Variants in RABGAP1L observed in about 807,000 individuals in gnomAD.
The protein encoded by RABGAP1L is RAB GTPase activating protein 1 like.
Under a neutral mutation model 137.7 loss-of-function variants are expected in RABGAP1L, and 63 were observed. The ratio of observed to expected loss-of-function variants is 0.46; its 90% CI spans 0.37 to 0.56. RABGAP1L has a LOEUF of 0.56. Among genes scored for constraint, RABGAP1L ranks in the 20% least tolerant of loss-of-function variants. The pLI, the probability that RABGAP1L is intolerant of heterozygous loss-of-function variation, is 0.00. For missense variants in RABGAP1L, 1,095 were observed against 1,244.0 expected (o/e 0.88, Z 1.80); for synonymous variants, 431 against 433.7 (o/e 0.99, Z 0.08).
At chr1:174,442,464 C>T (rs1459956554) in intron 13 of RABGAP1L, among the ~76,000 whole-genome samples, 1 of 152,068 alleles carries the variant, frequency 6.6e-6, no homozygotes, top group African/African-American at 2.4e-5. Flanking sequence ...TTCACCTAAA[C>T]CTCCAAAGAT....
At chr1:174,319,470 C>T (rs745679531) in intron 11 of RABGAP1L, among the ~76,000 whole-genome samples, 2 of 152,056 alleles carry the variant, frequency 1.3e-5, no homozygotes, top group African/African-American at 4.8e-5. Flanking sequence ...CTGCATATGT[C>T]ATTATGTCAC....
At chr1:174,980,959 G>A (rs1430886920) in intron 23 of RABGAP1L, among the ~76,000 whole-genome samples, 3 of 151,290 alleles carry the variant, frequency 2.0e-5, no homozygotes, top group Non-Finnish European at 2.9e-5. Flanking sequence ...CTGAGATGCC[G>A]AATGTGGGCA....
At chr1:174,195,835 TC>T (rs1667642904) in intron 1 of RABGAP1L, among the ~76,000 whole-genome samples, 1 of 133,458 alleles carries the variant, frequency 7.5e-6, no homozygotes, top group East Asian at 2.0e-4. Flanking sequence ...CTATCCTTCT[TC>T]TTCTTTTTTT....
intron 23 of RABGAP1L, among the ~76,000 whole-genome samples, chr1:174,980,627 G>A (rs151165253): frequency 2.8e-4 from 43 of 152,232 alleles, no homozygotes; most frequent in African/African-American, 4.8e-4. Context: ...AAGAGATTCC[G>A]GTACAAAAGA....
At chr1:174,364,278 G>C (rs113334950) in intron 11 of RABGAP1L, among the ~76,000 whole-genome samples, 1 of 74,282 alleles carries the variant, frequency 1.3e-5, no homozygotes, top group Non-Finnish European at 2.4e-5. Context: ...TTTTTGAGAC[G>C]GAGTCTCGCT....
intron 13 of RABGAP1L, among the ~76,000 whole-genome samples, chr1:174,465,586 A>G (rs1657206196): frequency 6.6e-6 from 1 of 152,192 alleles, no homozygotes; most frequent in South Asian, 2.1e-4. Context: ...CATAGAGCTT[A>G]CATCCAAATA....
intron 13 of RABGAP1L, among the ~76,000 whole-genome samples, chr1:174,462,021 T>C (rs747391073): frequency 1.8e-4 from 27 of 152,174 alleles, no homozygotes; most frequent in Non-Finnish European, 3.2e-4. Flanking sequence ...CCCAAGAACC[T>C]TCTGTATACC....
chr1:174,295,549 A>AT (rs969928417), intron 10 of RABGAP1L, among the ~76,000 whole-genome samples: 6 of 151,190 alleles, frequency 4.0e-5, no homozygotes, highest in Non-Finnish European at 5.9e-5. Flanking sequence ...GGCCTGGCTA[A>AT]TTTTTTTTGT....
chr1:174,611,108 T>C (rs1468132379), intron 13 of RABGAP1L, among the ~76,000 whole-genome samples: 6 of 149,090 alleles, frequency 4.0e-5, no homozygotes, highest in Non-Finnish European at 8.9e-5. Flanking sequence ...ACTTTTTGTG[T>C]TTTAGACATG....
chr1:174,642,570 A>T (rs3123641), intron 14 of RABGAP1L, among the ~76,000 whole-genome samples: 1 of 151,670 alleles, frequency 6.6e-6, no homozygotes, highest in Non-Finnish European at 1.5e-5. Flanking sequence ...TTTTAATTCA[A>T]CTCTTTCTTG....
chr1:174,220,949 G>C, intron 2 of RABGAP1L, 23 bp from the exon 3 acceptor site: 1 of 1,537,102 alleles, frequency 6.5e-7, no homozygotes, highest in Non-Finnish European at 8.8e-7. Context: ...AATTGAAACA[G>C]AATTGTCTTG....
chr1:174,621,394 A>C (rs1295155104), intron 13 of RABGAP1L, among the ~76,000 whole-genome samples: 1 of 152,242 alleles, frequency 6.6e-6, no homozygotes, highest in African/African-American at 2.4e-5. Flanking sequence ...CTGCACTGCC[A>C]ATTCAATCCT....
At chr1:174,679,328 GTC>G (rs1677877591) in intron 14 of RABGAP1L, among the ~76,000 whole-genome samples, 1 of 152,178 alleles carries the variant, frequency 6.6e-6, no homozygotes, top group African/African-American at 2.4e-5. Flanking sequence ...AGCTAGCACT[GTC>G]TCTCAATTGC....
chr1:174,415,978 A>G (rs1291278227), intron 13 of RABGAP1L, among the ~76,000 whole-genome samples: 1 of 149,790 alleles, frequency 6.7e-6, no homozygotes, highest in Non-Finnish European at 1.5e-5. Flanking sequence ...CTATACCAGA[A>G]CCTTAAATTA....
chr1:174,526,515 G>T (rs1356712362), intron 13 of RABGAP1L, among the ~76,000 whole-genome samples: 1 of 152,022 alleles, frequency 6.6e-6, no homozygotes, highest in Non-Finnish European at 1.5e-5. Flanking sequence ...TCAAGTTCTC[G>T]TTACTGGTCT....
intron 13 of RABGAP1L, among the ~76,000 whole-genome samples, chr1:174,426,366 T>C (rs899543434): frequency 2.0e-5 from 3 of 152,116 alleles, no homozygotes; most frequent in Admixed American, 6.5e-5. Flanking sequence ...TGTAAGCATT[T>C]AAACTATTAA....
chr1:174,423,572 T>C (rs1206038696), intron 13 of RABGAP1L, among the ~76,000 whole-genome samples: 1 of 152,210 alleles, frequency 6.6e-6, no homozygotes, highest in Admixed American at 6.5e-5. Context: ...AAAAGACTTC[T>C]GGGCCAAAAG....
chr1:174,243,598 G>T (rs1186193893), intron 5 of RABGAP1L, among the ~76,000 whole-genome samples: 1 of 152,150 alleles, frequency 6.6e-6, no homozygotes, highest in Non-Finnish European at 1.5e-5. Flanking sequence ...TAAATAGAGA[G>T]CTTATGCCAG....
intron 19 of RABGAP1L, chr1:174,874,615 G>A (rs1573611973): frequency 1.6e-6 from 1 of 621,972 alleles, no homozygotes; most frequent in Admixed American, 7.3e-5. Context: ...CAATGCAGTT[G>A]CGTGGTGTGA....
Sources: gnomAD v4.1 joint callset for allele counts (sites outside exome capture counted in the v4.1 genomes callset) on GRCh38, gnomAD v4.1.1 for gene constraint, MANE v1.5 for transcripts, NCBI Gene and HGNC (gene_info 2026-07-23, HGNC 2026-07-21) for gene names.